CAPN14: variants seen among roughly 807,000 people sequenced by gnomAD.
The protein encoded by CAPN14 is calpain 14, also known as calpain-14.
In CAPN14, 94 loss-of-function variants were observed where a neutral mutation model predicts 101.3. The ratio of observed to expected loss-of-function variants is 0.93; its 90% CI spans 0.79 to 1.10. The LOEUF (loss-of-function observed/expected upper bound fraction) is 1.10. Ranked by LOEUF, CAPN14 falls within the 50% of genes least tolerant of loss-of-function variation. The pLI is 0.00. For synonymous variants in CAPN14, 338 were observed against 317.9 expected (o/e 1.06, Z -0.67); for missense variants, 837 against 828.4 (o/e 1.01, Z -0.13).
chr2:31,228,027 T>C (rs1683075974), intron 1 of CAPN14, among the ~76,000 whole-genome samples: 1 of 152,104 alleles, frequency 6.6e-6, no homozygotes, highest in South Asian at 2.1e-4. Flanking sequence ...AGACTGAGGC[T>C]GAAGACAGGG....
At chr2:31,212,873 G>A (rs1682468795) in intron 1 of CAPN14, among the ~76,000 whole-genome samples, 1 of 152,170 alleles carries the variant, frequency 6.6e-6, no homozygotes, top group Non-Finnish European at 1.5e-5. Flanking sequence ...ATCCTCCTGG[G>A]GGATGATGGA....
At position 31,177,780 on chromosome 2, in the gene CAPN14, G is replaced by T. The variant is rs1680382298; in HGVS notation, c.1821C>A (p.Asn607Lys). 2 of 1,552,010 alleles carry T rather than the reference G, an allele frequency of 1.3e-6. No homozygotes were observed. Among genetic ancestry groups the T allele is most frequent in the Non-Finnish European group, 1.7e-6 (2 of 1,147,048 alleles). The stretch of plus-strand genomic sequence containing the variant: ...TCATGGCAGCGTGCAGCTGCTCCCA[G>T]TTCAGGTATCCTGACCCACGGTCTT... Reference protein sequence around the residue: ...HKQDRGSGYLNWEQLHAAMRE... With the variant: ...HKQDRGSGYLKWEQLHAAMRE... Residue 607 changes from asparagine (N) to lysine (K), a missense_variant, in exon 19 of 22, where the codon AAC becomes AAA. Asn to Lys is a moderately conservative substitution (Grantham distance 94, BLOSUM62 0). Coordinates refer to ENST00000403897, the MANE Select transcript of CAPN14 (RefSeq NM_001145122.2).
In CAPN14 at chr2:31,205,506, T is replaced by C. The variant is rs1682027592; in HGVS notation, c.-52-7A>G. On this transcript the variant is annotated splice_region_variant and splice_polypyrimidine_tract_variant and intron_variant, in intron 1 of 21. Coordinates refer to ENST00000403897, the MANE Select transcript of CAPN14 (RefSeq NM_001145122.2). ...TGAGGAGTCTCTGCTGCTCCTGAAA[T>C]GGAGAGAGGACGGTCAGTTTCCTCA... The C allele has an allele frequency of 2.9e-6, 4 of 1,360,372 alleles. No individual in the cohort carries two copies. Among genetic ancestry groups the C allele is most frequent in the African/African-American group, 1.4e-5 (1 of 69,208 alleles). 84.3% of individuals were successfully genotyped at this position (1,360,372 alleles called of 1,614,324 possible).
chr2:31,200,478 G>A lies in CAPN14; in HGVS notation c.699C>T (p.Thr233=), dbSNP rs896710577. Residue 233 remains threonine, a synonymous_variant, in exon 6 of 22, where the codon ACC becomes ACT. Transcript: ENST00000403897. ...CTGAGTGGGTCTGGCAGCCAATGAG[G>A]GTTCTGTTGTAGGTGGCTTCGATGA... ...DILIEATYNR[T]LIGCQTHSGE... 1.2e-5 allele frequency: 19 copies of A among 1,550,434 alleles called. No individual in the cohort carries two copies. Among genetic ancestry groups the A allele is most frequent in the Middle Eastern group, 1.9e-4 (1 of 5,194 alleles).
chr2:31,181,017 G>A lies in CAPN14; in HGVS notation c.1646-17C>T. The A allele has an allele frequency of 6.4e-7, 1 of 1,550,802 alleles. No homozygotes were observed. The highest frequency in any genetic ancestry group is 8.7e-7 in the Non-Finnish European group (1 of 1,146,204). On this transcript the variant is annotated splice_polypyrimidine_tract_variant and intron_variant, in intron 16 of 21. Transcript: ENST00000403897. The stretch of plus-strand genomic sequence containing the variant: ...TCCCCAGACCTGTGAAGGAGCGAAA[G>A]AGTCCACATGGGGGCTGGCCCCAGG...
intron 1 of CAPN14, among the ~76,000 whole-genome samples, chr2:31,216,779 C>T (rs1205805588): frequency 6.6e-6 from 1 of 152,116 alleles, no homozygotes; most frequent in African/African-American, 2.4e-5. Flanking sequence ...GAGTGATTTC[C>T]AGTGCCCATA....
intron 1 of CAPN14, among the ~76,000 whole-genome samples, chr2:31,229,289 G>A (rs1206746505): frequency 6.6e-6 from 1 of 151,962 alleles, no homozygotes; most frequent in Non-Finnish European, 1.5e-5. Context: ...GTTCATCAAG[G>A]GTCCATTACA....
chr2:31,189,516 TGACCCAG>T, intron 12 of CAPN14, 38 bp from the exon 13 acceptor site: 2 of 1,514,088 alleles, frequency 1.3e-6, no homozygotes, highest in Non-Finnish European at 1.8e-6. Flanking sequence ...AGGGAGGTGA[TGACCCAG>T]GGCTGTGGCC....
At chr2:31,188,294 A>T (rs199766620) in intron 14 of CAPN14, 24 bp downstream of exon 14, 1 of 1,548,688 alleles carries the variant, frequency 6.5e-7, no homozygotes, top group African/African-American at 1.4e-5. Flanking sequence ...TCCCAGCCAT[A>T]TGGAATTCCA....
chr2:31,201,773 A>C, intron 5 of CAPN14, 89 bp downstream of exon 5: 2 of 1,483,478 alleles, frequency 1.3e-6, no homozygotes, highest in Non-Finnish European at 1.8e-6. Context: ...CTCATTTCAT[A>C]AACTTTACCT....
chr2:31,175,708 C>T (rs1303611725), intron 21 of CAPN14, among the ~76,000 whole-genome samples: 1 of 152,182 alleles, frequency 6.6e-6, no homozygotes, highest in Non-Finnish European at 1.5e-5. Flanking sequence ...ACACAGGCTG[C>T]AGGTCCCTAC....
At chr2:31,184,335 C>CATA (rs1418867471) in intron 16 of CAPN14, among the ~76,000 whole-genome samples, 14 of 152,200 alleles carry the variant, frequency 9.2e-5, no homozygotes, top group Non-Finnish European at 1.6e-4. Context: ...TCCAGAAAAG[C>CATA]ATAAAACGGT....
At chr2:31,214,507 A>T (rs1368951659) in intron 1 of CAPN14, among the ~76,000 whole-genome samples, 1 of 152,152 alleles carries the variant, frequency 6.6e-6, no homozygotes, top group African/African-American at 2.4e-5. Flanking sequence ...AAAAGAAAAA[A>T]CAAGTCTCCA....
chr2:31,217,234 G>C (rs1468131083), intron 1 of CAPN14, among the ~76,000 whole-genome samples: 3 of 152,136 alleles, frequency 2.0e-5, no homozygotes, highest in Non-Finnish European at 2.9e-5. Context: ...TGGGGCCAAA[G>C]GGCTGAAGTC....
chr2:31,228,312 G>A (rs1371957937), intron 1 of CAPN14: 1 of 152,208 alleles, frequency 6.6e-6, no homozygotes, highest in African/African-American at 2.4e-5. Flanking sequence ...AAAGGGAAGT[G>A]TCTGTATCCA....
At position 31,189,354 on chromosome 2, in the gene CAPN14, T is replaced by C; in HGVS notation, c.1412A>G (p.Tyr471Cys). The change falls in exon 13 of 22, where the codon TAC becomes TGC. Residue 471 changes from tyrosine to cysteine, a missense_variant. Physicochemically the swap from Tyr to Cys is radical, Grantham distance 194. Transcript: ENST00000403897. ...SQELCLEPGTYLIVPCILEAH... is the reference protein window; with the variant it reads ...SQELCLEPGTCLIVPCILEAH... Reference sequence around the variant, plus strand: ...CTCCAATATGCAGGGCACGATGAGGTACGTCCCTGGTTCCAGACACAGCTC... The same window carrying C: ...CTCCAATATGCAGGGCACGATGAGGCACGTCCCTGGTTCCAGACACAGCTC... The C allele has an allele frequency of 6.4e-7, 1 of 1,551,740 alleles. No individual in the cohort carries two copies. Among genetic ancestry groups the C allele is most frequent in the Non-Finnish European group, 8.7e-7 (1 of 1,147,018 alleles).
intron 1 of CAPN14, among the ~76,000 whole-genome samples, chr2:31,209,496 C>T (rs1282587558): frequency 6.6e-6 from 1 of 152,138 alleles, no homozygotes; most frequent in Non-Finnish European, 1.5e-5. Flanking sequence ...AGGAGCATCA[C>T]CAGACAAGAC....
Position 31,181,001 on chromosome 2 carries a change from C to G in CAPN14, c.1646-1G>C. ...AAGAAGGGCTGTCTGCTCCCCAGACCTGTGAAGGAGCGAAAGAGTCCACAT... is the reference window on the plus strand; with the variant it reads ...AAGAAGGGCTGTCTGCTCCCCAGACGTGTGAAGGAGCGAAAGAGTCCACAT... On this transcript the variant is annotated splice_acceptor_variant, in intron 16 of 21. Coordinates refer to ENST00000403897, the MANE Select transcript of CAPN14 (RefSeq NM_001145122.2). LOFTEE classifies it high-confidence loss of function. 1.3e-6 allele frequency: 2 copies of G among 1,551,676 alleles called. No individual in the cohort carries two copies. The highest frequency in any genetic ancestry group is 1.7e-6 in the Non-Finnish European group (2 of 1,146,924).
At chr2:31,191,895 C>A (rs751481482) in intron 11 of CAPN14, 40 bp downstream of exon 11, 2 of 1,498,218 alleles carry the variant, frequency 1.3e-6, no homozygotes, top group South Asian at 1.3e-5. Context: ...GTGACCCCCA[C>A]GCTTGGTCCC....
Sources: allele counts gnomAD v4.1 joint callset (sites outside exome capture counted in the v4.1 genomes callset), GRCh38; gene constraint gnomAD v4.1.1; transcripts MANE v1.5; gene names NCBI Gene and HGNC (gene_info 2026-07-23, HGNC 2026-07-21).